Variants in PMFBP1 observed in about 807,000 individuals in gnomAD.
The protein encoded by PMFBP1 is polyamine modulated factor 1 binding protein 1, also known as polyamine-modulated factor 1-binding protein 1.
PMFBP1 carries 131 observed loss-of-function variants against 137.8 expected under a neutral mutation model. The observed-to-expected ratio is 0.95, with a 90% CI of 0.82 to 1.10. PMFBP1 has a LOEUF of 1.10. Ranked by LOEUF, PMFBP1 falls within the 50% of genes least tolerant of loss-of-function variation. The pLI, the probability that PMFBP1 is intolerant of heterozygous loss-of-function variation, is 0.00. For missense variants in PMFBP1, 1,199 were observed against 1,175.4 expected (o/e 1.02, Z -0.29); for synonymous variants, 490 against 450.4 (o/e 1.09, Z -1.11).
chr16:72,215,364 G>C, the PMFBP1 span, among the ~76,000 whole-genome samples: 1 of 146,294 alleles, frequency 6.8e-6, no homozygotes, highest in Non-Finnish European at 1.5e-5. Context: ...CAGAGAGAGA[G>C]AGAGAAAAAA....
chr16:72,135,740 G>GTTTTT (rs869189990), intron 9 of PMFBP1, among the ~76,000 whole-genome samples: 54 of 66,824 alleles, frequency 8.1e-4, no homozygotes, highest in African/African-American at 1.5e-3. Context: ...TAATTTTTCT[G>GTTTTT]TTTTTTTTTT....
chr16:72,182,990 G>A, the PMFBP1 span, among the ~76,000 whole-genome samples: 3 of 152,078 alleles, frequency 2.0e-5, no homozygotes, highest in Non-Finnish European at 4.4e-5. Context: ...TGGGTCCTCA[G>A]ATTCTGCCCT....
At chr16:72,147,056 G>A (rs4788612) in intron 5 of PMFBP1, among the ~76,000 whole-genome samples, 13,723 of 152,212 alleles carry the variant, frequency 0.09, 775 homozygotes, top group Middle Eastern at 0.14. Context: ...AAAAGAGCCC[G>A]CATAGCCAAG....
chr16:72,216,065 T>C, the PMFBP1 span, among the ~76,000 whole-genome samples: 1 of 152,214 alleles, frequency 6.6e-6, no homozygotes, highest in Non-Finnish European at 1.5e-5. Flanking sequence ...GCCCATGGGA[T>C]GGAGGTGGGA....
Position 72,130,714 on chromosome 16 carries a change from C to T in PMFBP1, c.1456G>A (p.Ala486Thr). Residue 486 changes from alanine (A) to threonine (T), a missense_variant, in exon 11 of 21, where the codon GCA (alanine) becomes ACA (threonine). Physicochemically the swap from Ala to Thr is moderately conservative, Grantham distance 58. Transcript: ENST00000237353. ...KQQERLAAQQ[A>T]AQCKEEAALA... is the part of the protein sequence containing the mutation. ...GCAGCCTCTTCTTTGCACTGGGCTG[C>T]TTGCTGAGCTGCAGAAGCAGGGAGA... 1 of 1,610,496 alleles carries T rather than the reference C, an allele frequency of 6.2e-7. No homozygotes were observed.
the PMFBP1 span, among the ~76,000 whole-genome samples, chr16:72,184,005 C>A: frequency 6.6e-6 from 1 of 152,144 alleles, no homozygotes; most frequent in Non-Finnish European, 1.5e-5. Flanking sequence ...TCAGTGGCTA[C>A]CTCTAGAAAT....
Position 72,130,451 on chromosome 16 carries a change from G to A in PMFBP1, c.1637+82C>T, listed in dbSNP as rs569080725. On this transcript the variant is annotated intron_variant, in intron 11 of 20. Transcript: ENST00000237353. ...CAATGGGAAATCCTTGCTCTCCCAC[G>A]CCTGGGCAGCTGCCCACAGAGGGCC... The A allele has an allele frequency of 1.3e-4, 212 of 1,605,452 alleles. No homozygotes were observed. The African/African-American group carries it at 1.9e-3, about 14-fold the overall frequency.
At chr16:72,135,355 G>GTT (rs1158907616) in intron 9 of PMFBP1, among the ~76,000 whole-genome samples, 1 of 144,634 alleles carries the variant, frequency 6.9e-6, no homozygotes, top group African/African-American at 2.5e-5. Context: ...TTGTGTGTGT[G>GTT]TGTGTTTTTT....
Position 72,121,767 on chromosome 16 carries a change from C to T in PMFBP1, c.2768+1147G>A, listed in dbSNP as rs191757857. Among the ~76,000 whole-genome samples the T allele has an allele frequency of 6.6e-5, 10 of 152,182 alleles. No individual in the cohort carries two copies. In the East Asian group the frequency reaches 1.6e-3, roughly 24 times the overall value. ...AGCCTCCCAATTAGCTGGGACTGTA[C>T]GTGTGCACCACCATGCCTGGTTAGG... is the stretch of plus-strand genomic sequence containing the variant. On this transcript the variant is annotated intron_variant, in intron 19 of 20. Transcript: ENST00000237353.
chr16:72,138,251 T>C (rs2042663273), intron 7 of PMFBP1, among the ~76,000 whole-genome samples: 1 of 152,276 alleles, frequency 6.6e-6, no homozygotes, highest in East Asian at 1.9e-4. Context: ...GATTGGAAAG[T>C]CCTGGAAAGA....
intron 5 of PMFBP1, among the ~76,000 whole-genome samples, chr16:72,147,464 G>A (rs1291004550): frequency 2.0e-5 from 3 of 152,156 alleles, no homozygotes; most frequent in Non-Finnish European, 4.4e-5. Context: ...ATAGGCACGG[G>A]CAAAGACTTC....
the PMFBP1 span, among the ~76,000 whole-genome samples, chr16:72,226,181 T>C: frequency 1.3e-5 from 2 of 152,214 alleles, no homozygotes; most frequent in Admixed American, 1.3e-4. Flanking sequence ...CCAGGCTTTG[T>C]GAGCAGTGTC....
At chr16:72,214,217 T>G in the PMFBP1 span, among the ~76,000 whole-genome samples, 1 of 151,710 alleles carries the variant, frequency 6.6e-6, no homozygotes, top group Admixed American at 6.6e-5. Flanking sequence ...TTTTTTGAGA[T>G]GGAGTCTTGC....
the PMFBP1 span, among the ~76,000 whole-genome samples, chr16:72,193,212 T>C: frequency 6.6e-6 from 1 of 151,928 alleles, no homozygotes; most frequent in African/African-American, 2.4e-5. Context: ...CAGAGTGAGA[T>C]TCTGTCTCTA....
the PMFBP1 span, among the ~76,000 whole-genome samples, chr16:72,225,563 A>G: frequency 6.6e-6 from 1 of 151,608 alleles, no homozygotes; most frequent in Admixed American, 6.6e-5. Flanking sequence ...AAAACAAAAA[A>G]CTAGCCAGGT....
chr16:72,219,272 G>A, the PMFBP1 span, among the ~76,000 whole-genome samples: 1 of 152,116 alleles, frequency 6.6e-6, no homozygotes, highest in African/African-American at 2.4e-5. Flanking sequence ...CTTTTTACTT[G>A]TATTAGAAAG....
At chr16:72,158,932 C>G (rs995091198) in intron 3 of PMFBP1, among the ~76,000 whole-genome samples, 16 of 152,264 alleles carry the variant, frequency 1.1e-4, no homozygotes, top group South Asian at 1.0e-3. Flanking sequence ...GAGTTTGAAG[C>G]TTCAGTGAGC....
chr16:72,123,142 C>T (rs1194127152), intron 18 of PMFBP1, among the ~76,000 whole-genome samples, 154 bp from the exon 19 acceptor site: 3 of 152,130 alleles, frequency 2.0e-5, no homozygotes, highest in Non-Finnish European at 2.9e-5. Flanking sequence ...TAAGGCCTTC[C>T]TAGCACCTGG....
chr16:72,230,252 T>C, the PMFBP1 span, among the ~76,000 whole-genome samples: 1 of 152,134 alleles, frequency 6.6e-6, no homozygotes, highest in South Asian at 2.1e-4. Context: ...TAAGATCCCA[T>C]AGTGTTCATA....
Sources: gnomAD v4.1 joint callset for allele counts (sites outside exome capture counted in the v4.1 genomes callset) on GRCh38, gnomAD v4.1.1 for gene constraint, MANE v1.5 for transcripts, NCBI Gene and HGNC (gene_info 2026-07-23, HGNC 2026-07-21) for gene names.